Variants in PCDHA5 observed in about 807,000 individuals in gnomAD.
The protein encoded by PCDHA5 is protocadherin alpha-5.
Under a neutral mutation model 61.6 loss-of-function variants are expected in PCDHA5, and 43 were observed. That is an observed-to-expected ratio of 0.70 (90% CI 0.55 to 0.90). PCDHA5 has a LOEUF of 0.90. Ranked by LOEUF, PCDHA5 falls within the 40% of genes least tolerant of loss-of-function variation. The probability of loss-of-function intolerance (pLI) is 0.00; values close to 1 mark genes in which losing one functional copy is unlikely to be tolerated. For missense variants in PCDHA5, 1,298 were observed against 1,222.7 expected, an observed-to-expected ratio of 1.06 and a Z score of -0.92; for synonymous variants, 627 against 543.9, an observed-to-expected ratio of 1.15 and a Z score of -2.13.
At chr5:140,841,515 G>T (rs2150317088) in intron 1 of PCDHA5, 6 of 1,606,628 alleles carry the variant, frequency 3.7e-6, no homozygotes, top group Middle Eastern at 3.5e-4. Context: ...CGCCTGTTCC[G>T]GGTGGCGTCC....
At chr5:140,843,361 G>T in intron 1 of PCDHA5, 1 of 1,596,046 alleles carries the variant, frequency 6.3e-7, no homozygotes, top group South Asian at 1.1e-5. Context: ...AAGCGTCATC[G>T]AGGCAGTCGG....
rs2098416892 is a variant in PCDHA5, at chr5:141,010,305, G to A, written c.*368G>A. ...TGACACTTGCAGGGCAGGCTGAAAA[G>A]TTTTGAGATTGAGCAGCTTGGGAGT... is the stretch of plus-strand genomic sequence containing the variant. On this transcript the variant is annotated 3_prime_UTR_variant, in exon 4 of 4. Coordinates refer to ENST00000529859, the MANE Select transcript of PCDHA5 (RefSeq NM_018908.3). 1 of 1,548,478 alleles carries A rather than the reference G, an allele frequency of 6.5e-7. No individual in the cohort carries two copies. The highest frequency in any genetic ancestry group is 2.4e-5 in the East Asian group (1 of 40,890).
chr5:140,862,867 C>A (rs1562571529), intron 1 of PCDHA5: 4 of 70,810 alleles, frequency 5.6e-5, no homozygotes, highest in Non-Finnish European at 9.2e-5. Context: ...TGTGACGCTG[C>A]CAGGTATTAG....
At chr5:140,893,385 G>A (rs2063961874) in intron 1 of PCDHA5, among the ~76,000 whole-genome samples, 1 of 152,138 alleles carries the variant, frequency 6.6e-6, no homozygotes, top group South Asian at 2.1e-4. Flanking sequence ...TGGGACAGTG[G>A]CTCATGCCTG....
intron 1 of PCDHA5, chr5:140,967,201 A>T: frequency 6.2e-7 from 1 of 1,613,620 alleles, no homozygotes; most frequent in Non-Finnish European, 8.5e-7. Flanking sequence ...ACGACAACTC[A>T]CCGCGTTTCC....
chr5:140,982,722 T>G, intron 3 of PCDHA5, 159 bp downstream of exon 3: 1 of 913,304 alleles, frequency 1.1e-6, no homozygotes, highest in African/African-American at 1.8e-5. Flanking sequence ...TATGATTATT[T>G]TGATTTTATA....
chr5:140,836,719 G>A (rs1774695669), intron 1 of PCDHA5: 1 of 1,612,572 alleles, frequency 6.2e-7, no homozygotes, highest in African/African-American at 1.3e-5. Context: ...CTTCCTCAGG[G>A]TCCATCCTCT....
chr5:140,934,569 A>AT (rs1286294364), intron 1 of PCDHA5, among the ~76,000 whole-genome samples: 1 of 152,044 alleles, frequency 6.6e-6, no homozygotes, highest in Admixed American at 6.6e-5. Context: ...TTTTTAATTA[A>AT]TTGTAACATT....
rs1280903830 is a variant in PCDHA5, at chr5:140,927,541, G to T, written c.2353-51408G>T. 4 of 1,613,996 alleles carry T rather than the reference G, an allele frequency of 2.5e-6. No homozygotes were observed. The East Asian group carries it at 6.7e-5, about 27-fold the overall frequency. On this transcript the variant is annotated intron_variant, in intron 1 of 3. Coordinates refer to ENST00000529859, the MANE Select transcript of PCDHA5 (RefSeq NM_018908.3). ...CGGGCTACCTGCCCGCTCAGGAGAC[G>T]CACAAGTCACCATCATTGTGGTGGA...
chr5:140,826,859 G>T (rs1313241483), intron 1 of PCDHA5, among the ~76,000 whole-genome samples: 3 of 152,092 alleles, frequency 2.0e-5, no homozygotes, highest in Non-Finnish European at 4.4e-5. Flanking sequence ...CAATTTCTAG[G>T]TTTAGTAAAA....
chr5:140,920,054 C>A (rs1332238212), intron 1 of PCDHA5, among the ~76,000 whole-genome samples: 1 of 152,150 alleles, frequency 6.6e-6, no homozygotes, highest in Non-Finnish European at 1.5e-5. Context: ...CAGCCACCAA[C>A]ACCTGGAAAA....
At chr5:140,871,075 C>A in intron 1 of PCDHA5, 1 of 1,613,242 alleles carries the variant, frequency 6.2e-7, no homozygotes. Context: ...TGAGCCGGCG[C>A]TGACGGCCAC....
At chr5:140,889,213 G>A (rs1463412254) in intron 1 of PCDHA5, among the ~76,000 whole-genome samples, 1 of 151,602 alleles carries the variant, frequency 6.6e-6, no homozygotes, top group African/African-American at 2.4e-5. Context: ...TAACAAAGAA[G>A]AATAGTCTTT....
At chr5:140,962,319 T>A (rs1585921663) in intron 1 of PCDHA5, among the ~76,000 whole-genome samples, 1 of 152,226 alleles carries the variant, frequency 6.6e-6, no homozygotes, top group Admixed American at 6.5e-5. Context: ...GCCATCTCAA[T>A]TGAGAATACT....
intron 1 of PCDHA5, among the ~76,000 whole-genome samples, chr5:140,936,196 G>A (rs1251323087): frequency 1.3e-5 from 2 of 152,072 alleles, no homozygotes; most frequent in African/African-American, 4.8e-5. Flanking sequence ...CCCAGCCAAA[G>A]TTGTCTTTTT....
At chr5:140,852,888 T>TA (rs1217426677) in intron 1 of PCDHA5, 2 of 919,976 alleles carry the variant, frequency 2.2e-6, no homozygotes, top group Non-Finnish European at 2.6e-6. Context: ...AAAACGTATT[T>TA]TTTTTTTTGA....
At chr5:140,912,178 G>A (rs2153520957) in intron 1 of PCDHA5, among the ~76,000 whole-genome samples, 1 of 152,266 alleles carries the variant, frequency 6.6e-6, no homozygotes, top group South Asian at 2.1e-4. Flanking sequence ...GCTGGCAGCT[G>A]ATTAGATTGT....
intron 1 of PCDHA5, chr5:140,966,746 C>T: frequency 1.4e-6 from 2 of 1,425,932 alleles, no homozygotes; most frequent in Non-Finnish European, 1.8e-6. Context: ...TGCCCGGCTG[C>T]CTCCGCCGCG....
At chr5:140,884,318 G>A (rs1345534362) in intron 1 of PCDHA5, 1 of 1,613,692 alleles carries the variant, frequency 6.2e-7, no homozygotes, top group Non-Finnish European at 8.5e-7. Flanking sequence ...GAGGGCGTCG[G>A]CAGGCGCTGT....
Sources: gnomAD v4.1 joint callset for allele counts (sites outside exome capture counted in the v4.1 genomes callset) on GRCh38, gnomAD v4.1.1 for gene constraint, MANE v1.5 for transcripts, NCBI Gene and HGNC (gene_info 2026-07-23, HGNC 2026-07-21) for gene names.